The following MACF1 variants were observed in gnomAD, a reference collection of about 807,000 sequenced individuals.
MACF1 encodes the protein microtubule actin crosslinking factor 1.
A neutral mutation model predicts 854.8 loss-of-function variants in MACF1; 193 were observed. That is an observed-to-expected ratio of 0.23 (90% confidence interval 0.20 to 0.25). The LOEUF (loss-of-function observed/expected upper bound fraction) is 0.25. Ranked by LOEUF, MACF1 falls within the 10% of genes least tolerant of loss-of-function variation. The pLI, the probability that MACF1 is intolerant of heterozygous loss-of-function variation, is 1.00. For missense variants in MACF1, 7,722 were observed against 8,929.1 expected, an observed-to-expected ratio of 0.86 and a Z score of 5.45; for synonymous variants, 3,185 against 3,226.7, an observed-to-expected ratio of 0.99 and a Z score of 0.44.
chr1:39,290,544 AT>A (rs772404038), intron 15 of MACF1, among the ~76,000 whole-genome samples: 6 of 134,010 alleles, frequency 4.5e-5, no homozygotes, highest in Non-Finnish European at 6.5e-5. Flanking sequence ...AAATTTTAGA[AT>A]TTTTTTTTTA....
intron 2 of MACF1, among the ~76,000 whole-genome samples, chr1:39,092,288 G>A (rs1387837296): frequency 1.3e-5 from 2 of 152,206 alleles, no homozygotes; most frequent in Admixed American, 1.3e-4. Flanking sequence ...GTGGTTTGGG[G>A]AGTGAACTCT....
intron 2 of MACF1, among the ~76,000 whole-genome samples, chr1:39,171,695 G>A (rs958876412): frequency 4.6e-5 from 7 of 152,040 alleles, no homozygotes; most frequent in Non-Finnish European, 8.8e-5. Context: ...GTGCTATCGC[G>A]GCTCACTGCA....
chr1:39,335,847 G>T lies in MACF1; in HGVS notation c.9259G>T (p.Glu3087Ter), dbSNP rs1287118248. ...LSLCLTLKPE[E>*]NLSREIACGA... Reference sequence around the variant, plus strand: ...TCTCTGCTTGACTTTAAAACCAGAAGAAAACTTATCTCGAGAAATTGCCTG... The same window carrying T: ...TCTCTGCTTGACTTTAAAACCAGAATAAAACTTATCTCGAGAAATTGCCTG... The change falls in exon 37 of 101, where the codon GAA becomes TAA. Residue 3087 changes from glutamate to a stop codon, truncating the protein, a stop_gained. Coordinates refer to ENST00000564288, the MANE Select transcript of MACF1 (RefSeq NM_001394062.1). LOFTEE classifies it high-confidence loss of function. The T allele has an allele frequency of 1.1e-5, 17 of 1,613,920 alleles. No individual in the cohort carries two copies. Among genetic ancestry groups the T allele is most frequent in the Non-Finnish European group, 1.4e-5 (17 of 1,180,010 alleles).
chr1:39,452,945 G>C, intron 87 of MACF1, 133 bp downstream of exon 87: 1 of 1,010,458 alleles, frequency 9.9e-7, no homozygotes, highest in Non-Finnish European at 1.4e-6. Context: ...AGTGGCCCTA[G>C]CTCATTGGTT....
At chr1:39,430,373 A>G (rs937484488) in intron 65 of MACF1, among the ~76,000 whole-genome samples, 1 of 152,002 alleles carries the variant, frequency 6.6e-6, no homozygotes, top group African/African-American at 2.4e-5. Context: ...GAAATATTGT[A>G]TAGGTACTTG....
In MACF1 at chr1:39,290,192, A is replaced by T. The variant is rs1645746590; in HGVS notation, c.1786-1718A>T. Among the ~76,000 whole-genome samples, 3 of 151,970 alleles carry T rather than the reference A, an allele frequency of 2.0e-5. No homozygotes were observed. The South Asian group carries it at 6.2e-4, about 32-fold the overall frequency. ...TAGTTTAAGGTGTTTATCCATTTTG[A>T]TTTGATTTTTGTGTATGATGACAAG... On this transcript the variant is annotated intron_variant, in intron 15 of 100. Coordinates refer to ENST00000564288, the MANE Select transcript of MACF1 (RefSeq NM_001394062.1).
chr1:39,221,880 C>T (rs115637829), intron 1 of MACF1, among the ~76,000 whole-genome samples: 3,068 of 152,252 alleles, frequency 0.02, 113 homozygotes, highest in African/African-American at 0.071. Context: ...CCAGATTAGT[C>T]TTCCCAAAAC....
At position 39,331,488 on chromosome 1, in the gene MACF1, G is replaced by C. The variant is rs535522521; in HGVS notation, c.4900G>C (p.Val1634Leu). 6.2e-7 allele frequency: 1 copy of C among 1,614,180 alleles called. No homozygotes were observed. Among genetic ancestry groups the C allele is most frequent in the East Asian group, 2.2e-5 (1 of 44,888 alleles). ...TACTGAGAGCAGAGGCCCTCTTTCT[G>C]TGGTGGAAGCAATTGAAAAGAGAAT... ...RLTESRGPLSVVEAIEKRIIS... is the reference protein window; with the variant it reads ...RLTESRGPLSLVEAIEKRIIS... The change falls in exon 37 of 101, where the codon GTG (valine) becomes CTG (leucine). Residue 1634 changes from valine to leucine, a missense_variant. By Grantham distance (32) the Val-to-Leu change is conservative. This residue lies in a region of MACF1 where 1,531 missense variants were observed against 1,601.6 expected (regional missense o/e 0.96). Transcript: ENST00000564288.
In MACF1 at chr1:39,105,492, C is replaced by T; in HGVS notation, c.220+21054C>T. On this transcript the variant is annotated intron_variant, in intron 2 of 93. Transcript: ENST00000361689. This position sits in a 1 kb window ranked among gnomAD's most constrained non-coding sequence, Gnocchi z 5.9. ...TGCCGGGCCGGGCGAGGCGGGCGGA[C>T]GGCGGAGAGCGAGGGCGCCGTCGCC... 9.9e-7 allele frequency: 1 copy of T among 1,010,572 alleles called. No homozygotes were observed. Among genetic ancestry groups the T allele is most frequent in the Non-Finnish European group, 1.2e-6 (1 of 847,490 alleles). 62.6% of individuals were successfully genotyped at this position (1,010,572 alleles called of 1,614,324 possible).
intron 21 of MACF1, among the ~76,000 whole-genome samples, chr1:39,298,103 T>C (rs1308464369): frequency 6.6e-6 from 1 of 151,754 alleles, no homozygotes; most frequent in Non-Finnish European, 1.5e-5. Flanking sequence ...AGGGGATTAG[T>C]TGATATCAAA....
At chr1:39,186,202 CTCTCTCTCTCTCTGTGTGTGTG>C (rs1164432584) in intron 2 of MACF1, among the ~76,000 whole-genome samples, 31 of 124,468 alleles carry the variant, frequency 2.5e-4, no homozygotes, top group African/African-American at 1.0e-3. Flanking sequence ...CTCTCTCTCT[CTCTCTCTCTCTCTGTGTGTGTG>C]TGTGTGTGTG....
At chr1:39,316,702 T>C (rs1183457868) in intron 28 of MACF1, among the ~76,000 whole-genome samples, 173 bp downstream of exon 28, 1 of 152,266 alleles carries the variant, frequency 6.6e-6, no homozygotes, top group Non-Finnish European at 1.5e-5. Context: ...CTGAGAAGTA[T>C]GTCTAGCTAG....
Position 39,190,011 on chromosome 1 carries a change from G to T in MACF1, c.221-41171G>T, listed in dbSNP as rs529617897. ...AACTCATTTTATGAATGAGTAAACA[G>T]ATCCAGTGTAGTTAAACGATCCTGA... On this transcript the variant is annotated intron_variant, in intron 2 of 93. Coordinates refer to the MACF1 transcript ENST00000361689. 2.6e-5 allele frequency among the ~76,000 whole-genome samples: 4 copies of T among 152,286 alleles called. No individual in the cohort carries two copies. In the South Asian group the frequency reaches 6.2e-4, roughly 24 times the overall value.
At chr1:39,304,557 TTTTC>T (rs1646126690) in intron 23 of MACF1, 4 of 948,740 alleles carry the variant, frequency 4.2e-6, no homozygotes, top group Admixed American at 4.6e-5. Flanking sequence ...TCAAATTTTC[TTTTC>T]TTTCTTTTTT....
At position 39,313,427 on chromosome 1, in the gene MACF1, A is replaced by C. The variant is rs186393091; in HGVS notation, c.3271-2086A>C. Among the ~76,000 whole-genome samples the C allele has an allele frequency of 1.2e-4, 19 of 152,302 alleles. No individual in the cohort carries two copies. The East Asian group carries it at 3.5e-3, about 28-fold the overall frequency. On this transcript the variant is annotated intron_variant, in intron 26 of 100. Coordinates refer to ENST00000564288, the MANE Select transcript of MACF1 (RefSeq NM_001394062.1). ...TGACTGAATCACTTCTTAGTATCAT[A>C]GTTGCCAAAAGCTGCTTTTCTAATT...
At chr1:39,213,711 C>A (rs1002501382) in intron 1 of MACF1, among the ~76,000 whole-genome samples, 21 of 152,120 alleles carry the variant, frequency 1.4e-4, no homozygotes, top group Non-Finnish European at 2.1e-4. Context: ...TCCTTTTTTT[C>A]TCTCTTCCCT....
intron 2 of MACF1, among the ~76,000 whole-genome samples, chr1:39,100,254 T>A (rs1196328567): frequency 1.3e-5 from 2 of 151,848 alleles, no homozygotes; most frequent in Admixed American, 6.6e-5. Flanking sequence ...AGAAAAAAAA[T>A]TTCACGTCAT....
intron 58 of MACF1, among the ~76,000 whole-genome samples, chr1:39,400,477 G>C (rs927883286): frequency 6.6e-6 from 1 of 150,686 alleles, no homozygotes; most frequent in African/African-American, 2.5e-5. Context: ...AGAATATTGT[G>C]AAATCTTTTT....
At chr1:39,259,349 C>T (rs148166466) in intron 6 of MACF1, among the ~76,000 whole-genome samples, 5 of 152,314 alleles carry the variant, frequency 3.3e-5, no homozygotes, top group Admixed American at 3.3e-4. Flanking sequence ...GCAACCTCCG[C>T]CTCCTGGGTT....
Sources: gnomAD v4.1 joint callset for allele counts (sites outside exome capture counted in the v4.1 genomes callset) on GRCh38, gnomAD v4.1.1 for gene constraint, gnomAD v4.1.1 regional missense constraint, Gnocchi (gnomAD v3.1) non-coding constraint, MANE v1.5 for transcripts, NCBI Gene and HGNC (gene_info 2026-07-23, HGNC 2026-07-21) for gene names.